Variants in LPP observed in about 807,000 individuals in gnomAD.
The protein encoded by LPP is lipoma-preferred partner.
In LPP, 38 loss-of-function variants were observed where a neutral mutation model predicts 60.4. The ratio of observed to expected loss-of-function variants is 0.63; its 90% CI spans 0.49 to 0.83. LPP has a LOEUF of 0.83. LPP is among the 40% of genes least tolerant of loss of function. The pLI is 0.00. For synonymous variants in LPP, 328 were observed against 290.8 expected, an observed-to-expected ratio of 1.13 and a Z score of -1.30; for missense variants, 902 against 783.6, an observed-to-expected ratio of 1.15 and a Z score of -1.80.
At chr3:188,526,355 C>T (rs111456561) in intron 6 of LPP, among the ~76,000 whole-genome samples, 1,859 of 152,112 alleles carry the variant, frequency 0.012, 38 homozygotes, top group African/African-American at 0.042. Flanking sequence ...AATGCAGTGG[C>T]GCAATCTCAG....
At chr3:188,467,393 G>T (rs190682002) in intron 4 of LPP, among the ~76,000 whole-genome samples, 232 of 152,154 alleles carry the variant, frequency 1.5e-3, no homozygotes, top group South Asian at 3.1e-3. Context: ...TTTTGCTCTT[G>T]TCTATACTTG....
chr3:188,849,544 C>T (rs898207857), intron 9 of LPP, among the ~76,000 whole-genome samples: 10 of 152,238 alleles, frequency 6.6e-5, no homozygotes, highest in South Asian at 2.1e-4. Flanking sequence ...TATGTCCATA[C>T]GGGATGCAGT....
At chr3:188,409,955 C>G (rs1784512284) in intron 4 of LPP, among the ~76,000 whole-genome samples, 1 of 152,166 alleles carries the variant, frequency 6.6e-6, no homozygotes, top group Non-Finnish European at 1.5e-5. Flanking sequence ...TTACCCAAAC[C>G]TTGTACTATA....
At chr3:188,764,777 G>A (rs1021399272) in intron 9 of LPP, among the ~76,000 whole-genome samples, 1 of 152,192 alleles carries the variant, frequency 6.6e-6, no homozygotes, top group Non-Finnish European at 1.5e-5. Context: ...TGAAGTGGCA[G>A]CCAAGGATCC....
intron 9 of LPP, among the ~76,000 whole-genome samples, chr3:188,862,748 G>A (rs1235935270): frequency 0.035 from 3,634 of 102,388 alleles, 16 homozygotes; most frequent in East Asian, 0.16. Context: ...AAAGAAAAAA[G>A]AAAAGAAAGA....
rs933822301 is a variant in LPP, at chr3:188,530,030, G to A, written c.429+5243G>A. ...CTTGGCTTAAAGTGTTACGGGAAGG[G>A]CATGGGATTCAAGGTGCAAGAATAA... On this transcript the variant is annotated intron_variant, in intron 6 of 11. Coordinates refer to ENST00000617246, the MANE Select transcript of LPP (RefSeq NM_001375462.1). Among the ~76,000 whole-genome samples the A allele has an allele frequency of 7.2e-5, 11 of 152,324 alleles. No individual in the cohort carries two copies. In the East Asian group the frequency reaches 1.3e-3, roughly 19 times the overall value.
intron 6 of LPP, among the ~76,000 whole-genome samples, chr3:188,573,089 T>C (rs1218188864): frequency 3.3e-5 from 5 of 152,126 alleles, no homozygotes; most frequent in African/African-American, 1.2e-4. Flanking sequence ...AATCATTGTG[T>C]GCTTCTTAGT....
At chr3:188,325,932 G>T (rs1758304519) in intron 2 of LPP, among the ~76,000 whole-genome samples, 2 of 152,036 alleles carry the variant, frequency 1.3e-5, no homozygotes, top group Admixed American at 1.3e-4. Context: ...AGATCTACAT[G>T]ACAAGAAAGA....
chr3:188,516,418 A>G (rs1323525679), intron 5 of LPP, among the ~76,000 whole-genome samples: 1 of 152,044 alleles, frequency 6.6e-6, no homozygotes, highest in Admixed American at 6.5e-5. Flanking sequence ...ACAGCATGAG[A>G]GATTATATTA....
At chr3:188,814,906 A>G (rs1281754586) in intron 9 of LPP, among the ~76,000 whole-genome samples, 1 of 152,032 alleles carries the variant, frequency 6.6e-6, no homozygotes, top group South Asian at 2.1e-4. Flanking sequence ...AGATCTGGAC[A>G]AGTTACTTTA....
At chr3:188,241,344 C>T (rs890188879) in intron 2 of LPP, among the ~76,000 whole-genome samples, 13 of 152,222 alleles carry the variant, frequency 8.5e-5, no homozygotes, top group Non-Finnish European at 1.9e-4. Flanking sequence ...CAGCCCCAGA[C>T]ACCCTCGGCA....
rs763470047 is a variant in LPP at position 188,190,645 on chromosome 3, G to C, written c.-189-34760G>C. ...TTCAGAGGGTGACAAGCGCTAAGCA[G>C]CAGAGTATGACAGCAGTAGAAGGCA... On this transcript the variant is annotated intron_variant, in intron 1 of 11. Transcript: ENST00000617246. Among the ~76,000 whole-genome samples, 4 of 152,342 alleles carry C rather than the reference G, an allele frequency of 2.6e-5. No homozygotes were observed. The South Asian group carries it at 8.3e-4, about 32-fold the overall frequency.
intron 9 of LPP, among the ~76,000 whole-genome samples, chr3:188,807,817 A>G (rs574287363): frequency 5.9e-5 from 9 of 152,142 alleles, no homozygotes; most frequent in African/African-American, 2.2e-4. Flanking sequence ...TAAATTCCCT[A>G]TCTGATCAAT....
intron 2 of LPP, among the ~76,000 whole-genome samples, chr3:188,226,520 A>G (rs1233562200): frequency 6.6e-6 from 1 of 152,168 alleles, no homozygotes; most frequent in African/African-American, 2.4e-5. Context: ...GTAGAGTAGA[A>G]CATTATGTTC....
At chr3:188,866,401 A>C (rs759936429) in intron 10 of LPP, 23 bp downstream of exon 10, 1 of 1,418,382 alleles carries the variant, frequency 7.1e-7, no homozygotes, top group Non-Finnish European at 9.3e-7. Context: ...CTCTCTCGTC[A>C]CCACCCTGCC....
chr3:188,268,453 C>A (rs139665268), intron 2 of LPP, among the ~76,000 whole-genome samples: 39 of 152,284 alleles, frequency 2.6e-4, no homozygotes, highest in African/African-American at 9.1e-4. Flanking sequence ...GTGGACAGAA[C>A]AAAGAAGGTG....
rs78555590 is a variant in LPP at position 188,363,222 on chromosome 3, G to A, written c.-10+21503G>A. Among the ~76,000 whole-genome samples, 1,155 of 152,134 alleles carry A rather than the reference G, an allele frequency of 7.6e-3. 19 individuals carry two copies. Among genetic ancestry groups the A allele is most frequent in the African/African-American group, 0.026 (1,097 of 41,490 alleles). On this transcript the variant is annotated intron_variant, in intron 3 of 11. Coordinates refer to ENST00000617246, the MANE Select transcript of LPP (RefSeq NM_001375462.1). ...TCACCATTCAAGCTTTGATTTCCAC[G>A]CCCGGTTTTTTGCTAAAAGGCCTTT...
chr3:188,244,362 G>A lies in LPP; in HGVS notation c.-67+18835G>A, dbSNP rs544896117. Among the ~76,000 whole-genome samples the A allele has an allele frequency of 7.0e-4, 106 of 152,282 alleles. 1 individual carries two copies. The highest frequency in any genetic ancestry group is 2.5e-3 in the African/African-American group (103 of 41,560). ...GCTAGGAGTGGTAAGCTCATTCACA[G>A]ACATGGAAGAGGCAGAGTGGGCTTA... On this transcript the variant is annotated intron_variant, in intron 2 of 11. Transcript: ENST00000617246.
At chr3:188,397,775 G>T (rs567201348) in intron 3 of LPP, among the ~76,000 whole-genome samples, 40 of 152,092 alleles carry the variant, frequency 2.6e-4, no homozygotes, top group Middle Eastern at 3.4e-3. Context: ...CTCTGTGCTC[G>T]GCTAATTTTT....
Sources: allele counts gnomAD v4.1 joint callset (sites outside exome capture counted in the v4.1 genomes callset), GRCh38; gene constraint gnomAD v4.1.1; transcripts MANE v1.5; gene names NCBI Gene and HGNC (gene_info 2026-07-23, HGNC 2026-07-21).